The following CA12 variants were observed in gnomAD, a reference collection of about 807,000 sequenced individuals.
CA12 encodes carbonate dehydratase XII.
In CA12, 36 loss-of-function variants were observed where a neutral mutation model predicts 46.8. That is an observed-to-expected ratio of 0.77 (90% confidence interval 0.59 to 1.02). The LOEUF (loss-of-function observed/expected upper bound fraction) is 1.02, where lower values mean the gene tolerates loss of function less well. Ranked by LOEUF, CA12 falls within the 50% of genes least tolerant of loss-of-function variation. The pLI is 0.00. For synonymous variants in CA12, 202 were observed against 187.0 expected (o/e 1.08, Z -0.65); for missense variants, 436 against 451.4 (o/e 0.97, Z 0.31).
chr15:63,354,949 T>G (rs2039276497), intron 2 of CA12, among the ~76,000 whole-genome samples: 1 of 152,154 alleles, frequency 6.6e-6, no homozygotes, highest in Non-Finnish European at 1.5e-5. Flanking sequence ...TACACACTGG[T>G]GTCAAGGCCT....
Position 63,328,231 on chromosome 15 carries a change from C to A in CA12, c.875-101G>T. The A allele has an allele frequency of 9.4e-7, 1 of 1,065,088 alleles. No individual in the cohort carries two copies. The highest frequency in any genetic ancestry group is 1.3e-5 in the South Asian group (1 of 77,332). The allele number at this position is 1,065,088 out of a possible 1,614,324, so 66.0% of individuals were successfully genotyped here. On this transcript the variant is annotated intron_variant, in intron 8 of 10. Coordinates refer to ENST00000178638, the MANE Select transcript of CA12 (RefSeq NM_001218.5). The surrounding 1 kb of genome is among the most constrained non-coding windows in gnomAD (Gnocchi z 5.9). ...GCTCTACCATTTGTTTGGTCTTAGG[C>A]TGACAGACCTCTAGGGATGTCCACC...
intron 2 of CA12, among the ~76,000 whole-genome samples, chr15:63,361,687 G>C (rs71394516): frequency 1.1e-4 from 17 of 152,268 alleles, no homozygotes; most frequent in Non-Finnish European, 2.2e-4. Flanking sequence ...GATGGAGTTG[G>C]CTGCTCTCCC....
Position 63,341,539 on chromosome 15 carries a change from C to T in CA12, c.525+463G>A, listed in dbSNP as rs140769944. On this transcript the variant is annotated intron_variant, in intron 5 of 10. Coordinates refer to ENST00000178638, the MANE Select transcript of CA12 (RefSeq NM_001218.5). This position sits in a 1 kb window ranked among gnomAD's most constrained non-coding sequence, Gnocchi z 5.2. ...CCCAAAACCATCTCCCTCCCTGGTC[C>T]ATGGTCCGTGGAAAAATTGTCTTCT... 6.6e-6 allele frequency among the ~76,000 whole-genome samples: 1 copy of T among 152,346 alleles called. No homozygotes were observed. Among genetic ancestry groups the T allele is most frequent in the East Asian group, 1.9e-4 (1 of 5,186 alleles).
intron 1 of CA12, among the ~76,000 whole-genome samples, chr15:63,379,499 CA>C (rs1421917064): frequency 6.6e-6 from 1 of 152,218 alleles, no homozygotes; most frequent in East Asian, 1.9e-4. Context: ...CAAGCGAGGC[CA>C]GGCCAAGGCC....
chr15:63,359,528 TAC>T (rs775193203), intron 2 of CA12, among the ~76,000 whole-genome samples: 4 of 151,616 alleles, frequency 2.6e-5, no homozygotes, highest in Non-Finnish European at 2.9e-5. Context: ...CACACACACA[TAC>T]ACACACACAA....
intron 1 of CA12, chr15:63,379,084 C>T (rs2039612300): frequency 6.6e-6 from 1 of 152,202 alleles, no homozygotes; most frequent in African/African-American, 2.4e-5. Context: ...ATAGAGTGGA[C>T]ATCTGGGACT....
chr15:63,337,925 T>C (rs1011796650), intron 8 of CA12, among the ~76,000 whole-genome samples: 1 of 152,010 alleles, frequency 6.6e-6, no homozygotes, highest in Non-Finnish European at 1.5e-5. Flanking sequence ...GGGGATGAAA[T>C]GGAACTGCAC....
In CA12 at chr15:63,327,250, G is replaced by C; in HGVS notation, c.908-17C>G. ...GGATGATGCCTGGTGAAGAGGTAGAGGGCACACATTACATTCCTTCCTTCC... is the reference window on the plus strand; with the variant it reads ...GGATGATGCCTGGTGAAGAGGTAGACGGCACACATTACATTCCTTCCTTCC... On this transcript the variant is annotated splice_polypyrimidine_tract_variant and intron_variant, in intron 9 of 10. Transcript: ENST00000178638. The surrounding 1 kb of genome is among the most constrained non-coding windows in gnomAD (Gnocchi z 4.5). The C allele has an allele frequency of 6.2e-7, 1 of 1,605,882 alleles. No individual in the cohort carries two copies. Among genetic ancestry groups the C allele is most frequent in the South Asian group, 1.1e-5 (1 of 90,506 alleles).
intron 3 of CA12, among the ~76,000 whole-genome samples, 198 bp downstream of exon 3, chr15:63,346,332 C>CA (rs1484946210): frequency 6.6e-6 from 1 of 152,162 alleles, no homozygotes; most frequent in Non-Finnish European, 1.5e-5. Context: ...GCGGCCCTGG[C>CA]AGGATCCTCA....
At chr15:63,349,163 G>A (rs542052273) in intron 2 of CA12, among the ~76,000 whole-genome samples, 4 of 152,254 alleles carry the variant, frequency 2.6e-5, no homozygotes, top group East Asian at 3.9e-4. Context: ...GGTGGTGGGC[G>A]TAGTGGTGGG....
intron 2 of CA12, among the ~76,000 whole-genome samples, chr15:63,354,090 C>T (rs1318299298): frequency 6.6e-6 from 1 of 152,124 alleles, no homozygotes; most frequent in Non-Finnish European, 1.5e-5. Context: ...ACCCCAATGT[C>T]CTGCCCAGAA....
intron 2 of CA12, among the ~76,000 whole-genome samples, chr15:63,352,732 C>T (rs2039249225): frequency 1.3e-5 from 2 of 152,142 alleles, no homozygotes; most frequent in Non-Finnish European, 1.5e-5. Context: ...TGATGACACG[C>T]CCTTTTTCAA....
At position 63,345,479 on chromosome 15, in the gene CA12, C is replaced by T. The variant is rs267606694; in HGVS notation, c.427G>A (p.Glu143Lys). The T allele has an allele frequency of 5.6e-6, 9 of 1,606,472 alleles. No homozygotes were observed. The highest frequency in any genetic ancestry group is 2.7e-5 in the African/African-American group (2 of 74,940). ...GCCAGACTGGCAGCCCTACTTACCT[C>T]GGCGGCGAAGTGCTGTCCGCTGACG... ...HTVSGQHFAAELHIVHYNSDL... is the reference protein window; with the variant it reads ...HTVSGQHFAAKLHIVHYNSDL... Residue 143 changes from glutamate to lysine, a missense_variant and splice_region_variant, in exon 4 of 11, where the codon GAG becomes AAG. Coordinates refer to ENST00000178638, the MANE Select transcript of CA12 (RefSeq NM_001218.5). This position sits in a 1 kb window ranked among gnomAD's most constrained non-coding sequence, Gnocchi z 4.3.
intron 2 of CA12, among the ~76,000 whole-genome samples, chr15:63,363,852 G>C (rs1005958883): frequency 6.6e-6 from 1 of 152,190 alleles, no homozygotes; most frequent in Non-Finnish European, 1.5e-5. Flanking sequence ...CTTCATCCTT[G>C]CTGATGTACA....
chr15:63,346,861 A>T, intron 2 of CA12, 152 bp from the exon 3 acceptor site: 1 of 884,798 alleles, frequency 1.1e-6, no homozygotes, highest in Non-Finnish European at 1.8e-6. Flanking sequence ...TGGCCTCCAG[A>T]ATCAGGTCCA....
At position 63,331,223 on chromosome 15, in the gene CA12, C is replaced by T. The variant is rs2038933938; in HGVS notation, c.875-3093G>A. On this transcript the variant is annotated intron_variant, in intron 8 of 10. Coordinates refer to ENST00000178638, the MANE Select transcript of CA12 (RefSeq NM_001218.5). The surrounding 1 kb of genome is among the most constrained non-coding windows in gnomAD (Gnocchi z 5.3). The stretch of plus-strand genomic sequence containing the variant: ...GGAGAGAGAAAGTCAGCGAGACTTT[C>T]GGGACACAGGGAGAACTGTCAGGGC... 6.6e-6 allele frequency among the ~76,000 whole-genome samples: 1 copy of T among 152,134 alleles called. No homozygotes were observed. Among genetic ancestry groups the T allele is most frequent in the African/African-American group, 2.4e-5 (1 of 41,422 alleles).
At chr15:63,335,280 G>T (rs1242789764) in intron 8 of CA12, among the ~76,000 whole-genome samples, 1 of 152,122 alleles carries the variant, frequency 6.6e-6, no homozygotes, top group Non-Finnish European at 1.5e-5. Context: ...AGGCTAAGGT[G>T]TAGCTGGACT....
At position 63,327,691 on chromosome 15, in the gene CA12, C is replaced by T. The variant is rs1378967285; in HGVS notation, c.907+407G>A. ...GTCTTTGCCTGCTGGATTTAAGGCC[C>T]ATTGGCTGTCTCCATCAGTTTTGCC... On this transcript the variant is annotated intron_variant, in intron 9 of 10. Coordinates refer to ENST00000178638, the MANE Select transcript of CA12 (RefSeq NM_001218.5). The surrounding 1 kb of genome is among the most constrained non-coding windows in gnomAD (Gnocchi z 4.5). 6.6e-6 allele frequency among the ~76,000 whole-genome samples: 1 copy of T among 152,120 alleles called. No individual in the cohort carries two copies. The highest frequency in any genetic ancestry group is 1.5e-5 in the Non-Finnish European group (1 of 68,028).
intron 8 of CA12, among the ~76,000 whole-genome samples, chr15:63,336,693 T>C (rs1448084060): frequency 7.1e-6 from 1 of 141,240 alleles, no homozygotes; most frequent in Non-Finnish European, 1.5e-5. Context: ...TGGGATTACC[T>C]GGCATTTTGT....
Sources: allele counts gnomAD v4.1 joint callset (sites outside exome capture counted in the v4.1 genomes callset), GRCh38; gene constraint gnomAD v4.1.1; non-coding constraint Gnocchi (gnomAD v3.1); transcripts MANE v1.5; gene names NCBI Gene and HGNC (gene_info 2026-07-23, HGNC 2026-07-21).